Variants in PRELID2 observed in about 807,000 individuals in gnomAD.
The protein encoded by PRELID2 is PRELI domain-containing protein 2.
A neutral mutation model predicts 28.4 loss-of-function variants in PRELID2; 25 were observed. The ratio of observed to expected loss-of-function variants is 0.88; its 90% CI spans 0.64 to 1.23. PRELID2 has a LOEUF of 1.23. PRELID2 is among the 50% of genes most tolerant of loss of function. The pLI is 0.00. For missense variants in PRELID2, 201 were observed against 214.4 expected (o/e 0.94, Z 0.39); for synonymous variants, 76 against 71.6 (o/e 1.06, Z -0.31).
At chr5:145,318,518 T>A in the PRELID2 span, among the ~76,000 whole-genome samples, 1 of 152,226 alleles carries the variant, frequency 6.6e-6, no homozygotes, top group Admixed American at 6.5e-5. Context: ...TACTCATAGA[T>A]TCTTTGGTAT....
chr5:145,318,277 C>T, the PRELID2 span, among the ~76,000 whole-genome samples: 3 of 152,026 alleles, frequency 2.0e-5, no homozygotes, highest in African/African-American at 4.8e-5. Context: ...TCTCAGAGAC[C>T]AAGCCATTGT....
intron 1 of PRELID2, among the ~76,000 whole-genome samples, chr5:145,509,374 C>T (rs1324508956): frequency 6.6e-5 from 10 of 152,202 alleles, no homozygotes; most frequent in Admixed American, 6.5e-4. Context: ...AACCCATGCT[C>T]TCAACTACTC....
chr5:145,322,390 A>G, the PRELID2 span, among the ~76,000 whole-genome samples: 1 of 152,140 alleles, frequency 6.6e-6, no homozygotes, highest in East Asian at 1.9e-4. Flanking sequence ...CTTCTTTTTG[A>G]TCTGATGCAT....
intron 1 of PRELID2, among the ~76,000 whole-genome samples, chr5:145,654,486 G>A (rs1364520053): frequency 6.6e-6 from 1 of 152,146 alleles, no homozygotes; most frequent in African/African-American, 2.4e-5. Flanking sequence ...GAACATTGAT[G>A]CAAAAATCCT....
intron 1 of PRELID2, among the ~76,000 whole-genome samples, chr5:145,500,814 C>A (rs777533209): frequency 2.6e-5 from 4 of 152,156 alleles, no homozygotes; most frequent in African/African-American, 9.7e-5. Flanking sequence ...TCAGGTGAGA[C>A]TAATTTCACT....
intron 4 of PRELID2, among the ~76,000 whole-genome samples, chr5:145,811,702 A>G (rs2149845348): frequency 6.6e-6 from 1 of 152,292 alleles, no homozygotes; most frequent in East Asian, 1.9e-4. Context: ...GCAGATCTGT[A>G]AATTACTAGA....
chr5:145,335,580 C>T, the PRELID2 span, among the ~76,000 whole-genome samples: 1 of 152,072 alleles, frequency 6.6e-6, no homozygotes, highest in Non-Finnish European at 1.5e-5. Flanking sequence ...AATTCAACAA[C>T]ACATTCTTGA....
At chr5:145,255,188 C>G in the PRELID2 span, among the ~76,000 whole-genome samples, 1 of 151,786 alleles carries the variant, frequency 6.6e-6, no homozygotes, top group African/African-American at 2.4e-5. Context: ...TTCAAAGATG[C>G]AAGAGAATAT....
rs184265695 is a variant in PRELID2, at chr5:145,510,314, A to G, written n.71-36999T>C. ...ACTTTTTCCCAGACTCTTTAGAAAT[A>G]TATAGAATATTAAACAAGACTTTTT... On this transcript the variant is annotated intron_variant and non_coding_transcript_variant, in intron 1 of 2. Coordinates refer to the PRELID2 transcript ENST00000510259. Among the ~76,000 whole-genome samples the G allele has an allele frequency of 6.0e-3, 920 of 152,286 alleles. 2 individuals carry two copies. The highest frequency in any genetic ancestry group is 9.8e-3 in the Non-Finnish European group (668 of 68,030).
chr5:145,510,668 C>G (rs549463441), intron 1 of PRELID2, among the ~76,000 whole-genome samples: 2 of 152,276 alleles, frequency 1.3e-5, no homozygotes, highest in East Asian at 1.9e-4. Context: ...GTTGATAAAC[C>G]AGCAGTCTCC....
At chr5:145,573,337 CT>C (rs549025004) in intron 1 of PRELID2, among the ~76,000 whole-genome samples, 163 of 145,976 alleles carry the variant, frequency 1.1e-3, no homozygotes, top group South Asian at 1.7e-3. Context: ...TTTTTCTTTT[CT>C]TTTTTTTTTT....
intron 1 of PRELID2, among the ~76,000 whole-genome samples, chr5:145,678,350 C>A (rs183338416): frequency 1.6e-3 from 248 of 152,272 alleles, no homozygotes; most frequent in African/African-American, 5.5e-3. Flanking sequence ...TTCCCTCCTA[C>A]AAACATCCAA....
At chr5:145,308,308 A>G in the PRELID2 span, among the ~76,000 whole-genome samples, 2 of 152,236 alleles carry the variant, frequency 1.3e-5, no homozygotes, top group Non-Finnish European at 2.9e-5. Flanking sequence ...AAATAGATGT[A>G]CTAATCGACA....
In PRELID2 at chr5:145,759,294, C is replaced by A. The variant is rs1045712702; in HGVS notation, c.*1242G>T. 8 of 152,160 alleles carry A rather than the reference C, an allele frequency of 5.3e-5. No homozygotes were observed. The highest frequency in any genetic ancestry group is 1.9e-4 in the African/African-American group (8 of 41,434). The allele number at this position is 152,160 out of a possible 1,614,324, so 9.4% of individuals were successfully genotyped here. A position where few individuals can be genotyped will look rare whatever the true frequency, so the allele number is the denominator to read the frequency against. ...GGGATTACAGGCATAAGCCACCACA[C>A]CCTGCCCTGATTTTTATCTTAAGAA... On this transcript the variant is annotated 3_prime_UTR_variant, in exon 7 of 7. Transcript: ENST00000683046.
chr5:145,722,505 A>AT (rs79337075), intron 1 of PRELID2, among the ~76,000 whole-genome samples: 67,912 of 150,328 alleles, frequency 0.45, 18,286 homozygotes, highest in African/African-American at 0.74. Flanking sequence ...CAAATTAATA[A>AT]TTTTTTTTTG....
the PRELID2 span, among the ~76,000 whole-genome samples, chr5:145,373,927 ATTATAACATAATATATATGATATTATATG>A: frequency 7.1e-6 from 1 of 140,004 alleles, no homozygotes; most frequent in African/African-American, 2.6e-5. Flanking sequence ...GATATTATAT[ATTATAACATAATATATATGATATTATATG>A]TTATAACATA....
At chr5:145,687,081 C>T (rs1261695212) in intron 1 of PRELID2, among the ~76,000 whole-genome samples, 1 of 152,018 alleles carries the variant, frequency 6.6e-6, no homozygotes, top group Non-Finnish European at 1.5e-5. Flanking sequence ...CTTGGAGATG[C>T]TAAATGATGA....
chr5:145,828,023 T>G (rs1433195993), intron 1 of PRELID2, among the ~76,000 whole-genome samples: 1 of 152,182 alleles, frequency 6.6e-6, no homozygotes, highest in African/African-American at 2.4e-5. Context: ...ATATTGTTTT[T>G]GAAATGTTTT....
the PRELID2 span, chr5:145,381,535 T>C: frequency 6.6e-6 from 1 of 152,162 alleles, no homozygotes; most frequent in Admixed American, 6.5e-5. Flanking sequence ...TCAGTGGAAA[T>C]CAACAGCCAA....
Sources: gnomAD v4.1 joint callset for allele counts (sites outside exome capture counted in the v4.1 genomes callset) on GRCh38, gnomAD v4.1.1 for gene constraint, MANE v1.5 for transcripts, NCBI Gene and HGNC (gene_info 2026-07-23, HGNC 2026-07-21) for gene names.